DYSF: variants seen among roughly 807,000 people sequenced by gnomAD.
DYSF encodes the protein dystrophy-associated fer-1-like 1.
In DYSF, 212 loss-of-function variants were observed where a neutral mutation model predicts 274.9. The observed-to-expected ratio is 0.77, with a 90% CI of 0.69 to 0.86. DYSF has a LOEUF of 0.86. Among genes scored for constraint, DYSF ranks in the 40% least tolerant of loss-of-function variants. DYSF has a pLI of 0.00. For missense variants in DYSF, 2,666 were observed against 2,783.2 expected (o/e 0.96, Z 0.95); for synonymous variants, 1,091 against 1,078.7 (o/e 1.01, Z -0.22).
intron 42 of DYSF, among the ~76,000 whole-genome samples, chr2:71,650,969 TA>T (rs2094647349): frequency 6.6e-6 from 1 of 152,026 alleles, no homozygotes. Context: ...ATAATAAAGA[TA>T]AAACTGTAAT....
chr2:71,640,897 C>T (rs1469326349), intron 41 of DYSF, among the ~76,000 whole-genome samples: 3 of 152,102 alleles, frequency 2.0e-5, no homozygotes, highest in Non-Finnish European at 4.4e-5. Flanking sequence ...TGATCTTGGC[C>T]TCCTGTCTTT....
At chr2:71,672,022 G>A (rs1467559190) in intron 51 of DYSF, among the ~76,000 whole-genome samples, 1 of 152,158 alleles carries the variant, frequency 6.6e-6, no homozygotes, top group Non-Finnish European at 1.5e-5. Context: ...TCACTGGGAG[G>A]GAAGGCCAGA....
chr2:71,558,289 G>A (rs886801601), intron 22 of DYSF, among the ~76,000 whole-genome samples: 4 of 152,116 alleles, frequency 2.6e-5, no homozygotes, highest in African/African-American at 7.2e-5. Context: ...AGCCAGTTGA[G>A]GGGGAGGTGA....
chr2:71,492,707 C>CTT (rs2083972287), intron 3 of DYSF, among the ~76,000 whole-genome samples: 1 of 141,838 alleles, frequency 7.1e-6, no homozygotes, highest in African/African-American at 2.5e-5. Context: ...CTCCCCCCCC[C>CTT]CCTTTTCTTT....
chr2:71,474,517 A>G (rs1041580345), intron 1 of DYSF, among the ~76,000 whole-genome samples: 4 of 152,262 alleles, frequency 2.6e-5, no homozygotes, highest in Admixed American at 6.5e-5. Flanking sequence ...GCCAAAATCC[A>G]TGATGAGGAA....
Position 71,529,936 on chromosome 2 carries a change from T to C in DYSF, c.1380+1535T>C, listed in dbSNP as rs1017524331. ...GTTAAATCAGTCATTATTGTGTTGA[T>C]GTATGAATTATACTGAAGGTGGCCA... On this transcript the variant is annotated intron_variant, in intron 14 of 55. Coordinates refer to ENST00000410020, the MANE Select transcript of DYSF (RefSeq NM_001130987.2). 6.0e-5 allele frequency among the ~76,000 whole-genome samples: 9 copies of C among 151,104 alleles called. 1 individual carries two copies. In the South Asian group the frequency reaches 8.4e-4, roughly 14 times the overall value.
At chr2:71,566,850 A>C (rs1204605080) in intron 24 of DYSF, among the ~76,000 whole-genome samples, 3 of 152,214 alleles carry the variant, frequency 2.0e-5, no homozygotes, top group African/African-American at 4.8e-5. Context: ...GCAGGAGGGA[A>C]GCGTGAGGTG....
At chr2:71,551,533 G>T in intron 18 of DYSF, 74 bp from the exon 19 acceptor site, 1 of 1,321,532 alleles carries the variant, frequency 7.6e-7, no homozygotes, top group Non-Finnish European at 1.1e-6. Flanking sequence ...CTACCTCAGG[G>T]CCAGAGGGTG....
In DYSF at chr2:71,549,295, G is replaced by A. The variant is rs952995067; in HGVS notation, c.1577-1746G>A. ...CATCCACAGCCTGTTCATGTAACCC[G>A]TCCTTCTCCCAGCCATGCCCACCCT... On this transcript the variant is annotated intron_variant, in intron 17 of 55. Transcript: ENST00000410020. 83 of 1,565,862 alleles carry A rather than the reference G, an allele frequency of 5.3e-5. 2 individuals carry two copies. The South Asian group carries it at 7.4e-4, about 14-fold the overall frequency.
At chr2:71,565,606 ATGC>A (rs199613982) in intron 24 of DYSF, among the ~76,000 whole-genome samples, 12,777 of 152,154 alleles carry the variant, frequency 0.084, 657 homozygotes, top group African/African-American at 0.13. Context: ...CCCCTGAGTG[ATGC>A]TGATGCATTC....
intron 17 of DYSF, among the ~76,000 whole-genome samples, chr2:71,549,891 C>T (rs1020848795): frequency 2.0e-5 from 3 of 152,210 alleles, no homozygotes; most frequent in Admixed American, 6.5e-5. Context: ...AGTGCCCTGT[C>T]TGTGCTGGGG....
intron 34 of DYSF, 116 bp downstream of exon 34, chr2:71,600,958 T>C: frequency 7.1e-7 from 1 of 1,405,450 alleles, no homozygotes; most frequent in South Asian, 1.2e-5. Flanking sequence ...TGAGACCCAT[T>C]TTCTGAACCC....
At chr2:71,569,513 A>T (rs1273568444) in intron 26 of DYSF, among the ~76,000 whole-genome samples, 1 of 152,168 alleles carries the variant, frequency 6.6e-6, no homozygotes, top group Middle Eastern at 3.2e-3. Flanking sequence ...ACTTGATAAA[A>T]CTTTATATTT....
chr2:71,469,650 C>T (rs1452860155), intron 1 of DYSF, among the ~76,000 whole-genome samples: 2 of 152,196 alleles, frequency 1.3e-5, no homozygotes, highest in Non-Finnish European at 2.9e-5. Context: ...AGACTATGAG[C>T]TCTGGGAGGC....
In DYSF at chr2:71,580,052, C is replaced by T. The variant is rs570682533; in HGVS notation, c.3402+5681C>T. On this transcript the variant is annotated intron_variant, in intron 30 of 55. Coordinates refer to ENST00000410020, the MANE Select transcript of DYSF (RefSeq NM_001130987.2). Reference sequence around the variant, plus strand: ...TGACCAGCAGCCAAACCCCATCTGGCGCTTTCATTCCCCCACTTCTATGAG... The same window carrying T: ...TGACCAGCAGCCAAACCCCATCTGGTGCTTTCATTCCCCCACTTCTATGAG... Among the ~76,000 whole-genome samples, 65 of 152,358 alleles carry T rather than the reference C, an allele frequency of 4.3e-4. No homozygotes were observed. The South Asian group carries it at 0.012, about 27-fold the overall frequency.
intron 42 of DYSF, among the ~76,000 whole-genome samples, chr2:71,651,075 A>G (rs2094649240): frequency 6.6e-6 from 1 of 152,206 alleles, no homozygotes; most frequent in African/African-American, 2.4e-5. Context: ...CATATGAGTA[A>G]CTATTTTCAT....
rs991388048 is a variant in DYSF, at chr2:71,601,339, G to C, written c.3898-160G>C. ...GCTGCTCTGGGTGAAGTGTCTGGAG[G>C]AATGGGCACAGTGCCAGCCTAGCAT... On this transcript the variant is annotated intron_variant, in intron 34 of 55. Transcript: ENST00000410020. The C allele has an allele frequency of 3.3e-6, 3 of 921,830 alleles. No individual in the cohort carries two copies. The African/African-American group carries it at 4.9e-5, about 15-fold the overall frequency. 57.1% of individuals were successfully genotyped at this position (921,830 alleles called of 1,614,324 possible).
intron 13 of DYSF, 59 bp downstream of exon 13, chr2:71,526,405 T>TGGGGG: frequency 5.4e-6 from 2 of 370,352 alleles, no homozygotes; most frequent in Non-Finnish European, 3.9e-6. Context: ...GCAGGGCTGG[T>TGGGGG]GGGGGTGGGC....
chr2:71,474,652 A>G (rs936071826), intron 1 of DYSF, among the ~76,000 whole-genome samples: 1 of 152,206 alleles, frequency 6.6e-6, no homozygotes, highest in East Asian at 1.9e-4. Flanking sequence ...TGCAGCACCC[A>G]TGAGTGACCC....
Sources: allele counts gnomAD v4.1 joint callset (sites outside exome capture counted in the v4.1 genomes callset), GRCh38; gene constraint gnomAD v4.1.1; transcripts MANE v1.5; gene names NCBI Gene and HGNC (gene_info 2026-07-23, HGNC 2026-07-21).